Variants in TNNI3K observed in about 807,000 individuals in gnomAD.
TNNI3K encodes the protein TNNI3 interacting kinase.
In TNNI3K, 140 loss-of-function variants were observed where a neutral mutation model predicts 114.5. The ratio of observed to expected loss-of-function variants is 1.22; its 90% CI spans 1.07 to 1.41. The LOEUF is 1.41. TNNI3K is among the 40% of genes most tolerant of loss of function. The pLI is 0.00. For synonymous variants in TNNI3K, 347 were observed against 347.5 expected, an observed-to-expected ratio of 1.00 and a Z score of 0.02; for missense variants, 1,125 against 1,007.6, an observed-to-expected ratio of 1.12 and a Z score of -1.58.
chr1:74,280,394 A>T lies in TNNI3K; in HGVS notation c.444+8686A>T, dbSNP rs866755288. ...GAAACTCCATCTCAAAAAAAAAATA[A>T]AATAAAATAAAAAAGGAAAGAAGCA... On this transcript the variant is annotated intron_variant, in intron 5 of 24. Transcript: ENST00000326637. 4.0e-5 allele frequency among the ~76,000 whole-genome samples: 6 copies of T among 151,718 alleles called. No individual in the cohort carries two copies. In the South Asian group the frequency reaches 8.3e-4, roughly 21 times the overall value.
intron 19 of TNNI3K, 69 bp downstream of exon 19, chr1:74,436,595 GTA>G: frequency 6.7e-7 from 1 of 1,493,384 alleles, no homozygotes; most frequent in Non-Finnish European, 9.0e-7. Context: ...ATGAGAGGAC[GTA>G]AGATGAGAGC....
intron 6 of TNNI3K, among the ~76,000 whole-genome samples, chr1:74,334,421 A>G (rs1660363424): frequency 6.6e-6 from 1 of 152,194 alleles, no homozygotes; most frequent in Non-Finnish European, 1.5e-5. Flanking sequence ...TTCAGTGGTC[A>G]AGACAATTGA....
At chr1:74,406,898 C>A (rs1047081997) in intron 17 of TNNI3K, among the ~76,000 whole-genome samples, 1 of 152,316 alleles carries the variant, frequency 6.6e-6, no homozygotes, top group Non-Finnish European at 1.5e-5. Context: ...TGTCCTACAT[C>A]AAGCAAATGA....
At chr1:74,242,185 C>T (rs554965105) in intron 2 of TNNI3K, among the ~76,000 whole-genome samples, 26 of 152,244 alleles carry the variant, frequency 1.7e-4, no homozygotes, top group African/African-American at 5.3e-4. Context: ...ATGACATCAA[C>T]ATAATCCAAA....
chr1:74,245,835 A>G (rs1049189208), intron 2 of TNNI3K, among the ~76,000 whole-genome samples: 41 of 152,152 alleles, frequency 2.7e-4, no homozygotes, highest in African/African-American at 9.2e-4. Context: ...AGTATTCCCA[A>G]ACTTTTTTTA....
chr1:74,407,056 C>T (rs1664650222), intron 17 of TNNI3K, among the ~76,000 whole-genome samples: 1 of 152,240 alleles, frequency 6.6e-6, no homozygotes, highest in East Asian at 1.9e-4. Context: ...TATTTTTAAG[C>T]TAATGAATAC....
chr1:74,436,597 A>G, intron 19 of TNNI3K, 71 bp downstream of exon 19: 1 of 1,486,864 alleles, frequency 6.7e-7, no homozygotes, highest in Non-Finnish European at 9.0e-7. Context: ...GAGAGGACGT[A>G]AGATGAGAGC....
At chr1:74,424,578 G>C (rs1308680947) in intron 17 of TNNI3K, among the ~76,000 whole-genome samples, 2 of 150,916 alleles carry the variant, frequency 1.3e-5, no homozygotes, top group Admixed American at 6.6e-5. Context: ...AATTAACCAG[G>C]CATGGTGGCA....
At chr1:74,237,860 T>C (rs1487847731) in intron 2 of TNNI3K, among the ~76,000 whole-genome samples, 1 of 152,002 alleles carries the variant, frequency 6.6e-6, no homozygotes, top group African/African-American at 2.4e-5. Flanking sequence ...ATATGTAGAT[T>C]GTTGTCATTT....
intron 17 of TNNI3K, among the ~76,000 whole-genome samples, chr1:74,423,870 T>C (rs1318925263): frequency 6.6e-6 from 1 of 152,154 alleles, no homozygotes; most frequent in African/African-American, 2.4e-5. Flanking sequence ...CATATGTTGC[T>C]TACAACTATG....
At chr1:74,313,309 T>C (rs1006063974) in intron 5 of TNNI3K, among the ~76,000 whole-genome samples, 1 of 152,170 alleles carries the variant, frequency 6.6e-6, no homozygotes, top group Admixed American at 6.5e-5. Context: ...ATCCACTCTA[T>C]ACAGTAAACC....
At chr1:74,410,146 C>A (rs1664813311) in intron 17 of TNNI3K, among the ~76,000 whole-genome samples, 1 of 152,034 alleles carries the variant, frequency 6.6e-6, no homozygotes, top group African/African-American at 2.4e-5. Flanking sequence ...CAAATTAATT[C>A]TGATAAAATA....
intron 2 of TNNI3K, among the ~76,000 whole-genome samples, chr1:74,246,960 G>A (rs1024090652): frequency 7.2e-5 from 11 of 151,914 alleles, no homozygotes; most frequent in African/African-American, 2.4e-4. Context: ...TTTCCAACTT[G>A]GGCAAGTTAT....
At chr1:74,373,132 G>A (rs1028811821) in intron 17 of TNNI3K, 1 of 151,794 alleles carries the variant, frequency 6.6e-6, no homozygotes, top group African/African-American at 2.4e-5. Context: ...CCCTCAGAGA[G>A]CTTACTGCAC....
chr1:74,500,366 C>T (rs940468246), intron 23 of TNNI3K, among the ~76,000 whole-genome samples: 2 of 151,600 alleles, frequency 1.3e-5, no homozygotes, highest in Non-Finnish European at 2.9e-5. Flanking sequence ...CCTTGGGAGG[C>T]CGAGGCGGGC....
At chr1:74,511,050 G>C (rs1280193761) in intron 23 of TNNI3K, among the ~76,000 whole-genome samples, 1 of 152,112 alleles carries the variant, frequency 6.6e-6, no homozygotes, top group Non-Finnish European at 1.5e-5. Flanking sequence ...ACCATGCCCA[G>C]CTAATGTTTG....
At chr1:74,358,230 C>T (rs116579478) in intron 11 of TNNI3K, among the ~76,000 whole-genome samples, 1 of 152,044 alleles carries the variant, frequency 6.6e-6, no homozygotes, top group Non-Finnish European at 1.5e-5. Context: ...ACAGAGGCTC[C>T]TATCACAATA....
At chr1:74,276,209 A>G (rs763756586) in intron 5 of TNNI3K, among the ~76,000 whole-genome samples, 8 of 152,148 alleles carry the variant, frequency 5.3e-5, no homozygotes, top group Admixed American at 1.3e-4. Context: ...TTAGAAACAT[A>G]CAAACGGCAT....
intron 5 of TNNI3K, among the ~76,000 whole-genome samples, chr1:74,314,982 A>G (rs893335607): frequency 1.2e-4 from 18 of 152,188 alleles, no homozygotes; most frequent in African/African-American, 1.7e-4. Flanking sequence ...GAAAAAAATC[A>G]TGAAATGCCT....
Sources: gnomAD v4.1 joint callset for allele counts (sites outside exome capture counted in the v4.1 genomes callset) on GRCh38, gnomAD v4.1.1 for gene constraint, MANE v1.5 for transcripts, NCBI Gene and HGNC (gene_info 2026-07-23, HGNC 2026-07-21) for gene names.